KDR: variants seen among roughly 807,000 people sequenced by gnomAD.
KDR encodes kinase insert domain receptor.
Under a neutral mutation model 160.9 loss-of-function variants are expected in KDR, and 43 were observed. The ratio of observed to expected loss-of-function variants is 0.27; its 90% CI spans 0.21 to 0.34. The LOEUF (loss-of-function observed/expected upper bound fraction) is 0.34, where lower values mean the gene tolerates loss of function less well. Among genes scored for constraint, KDR ranks in the 10% least tolerant of loss-of-function variants. KDR has a pLI of 1.00. For missense variants in KDR, 1,469 were observed against 1,666.4 expected (o/e 0.88, Z 2.06); for synonymous variants, 617 against 600.1 (o/e 1.03, Z -0.41).
chr4:55,101,004 A>G (rs561443876), intron 15 of KDR, among the ~76,000 whole-genome samples: 2 of 152,318 alleles, frequency 1.3e-5, no homozygotes, highest in East Asian at 3.9e-4. Flanking sequence ...ACTTCTGCAT[A>G]CACACGTATT....
intron 20 of KDR, 21 bp from the exon 21 acceptor site, chr4:55,094,976 A>G: frequency 6.2e-7 from 1 of 1,612,422 alleles, no homozygotes; most frequent in African/African-American, 1.3e-5. Flanking sequence ...GCAAAGGAAC[A>G]AACAAACTCC....
At chr4:55,101,781 G>A (rs1453694641) in intron 15 of KDR, 116 bp downstream of exon 15, 10 of 877,320 alleles carry the variant, frequency 1.1e-5, no homozygotes, top group Non-Finnish European at 1.7e-5. Context: ...AGTTTGCTGA[G>A]GATAATGGCT....
At chr4:55,122,768 AAGACTTT>A (rs1249695131) in intron 1 of KDR, 1 of 152,174 alleles carries the variant, frequency 6.6e-6, no homozygotes, top group Non-Finnish European at 1.5e-5. Context: ...TTTTGTTCTT[AAGACTTT>A]AGACTCTGTC....
At chr4:55,119,181 C>T (rs537639522) in intron 2 of KDR, among the ~76,000 whole-genome samples, 74 of 151,456 alleles carry the variant, frequency 4.9e-4, no homozygotes, top group Non-Finnish European at 9.6e-4. Flanking sequence ...TGCACTTCAG[C>T]CTGGGCAAGA....
intron 15 of KDR, among the ~76,000 whole-genome samples, chr4:55,099,572 G>A (rs1452091813): frequency 6.6e-6 from 1 of 152,168 alleles, no homozygotes; most frequent in Non-Finnish European, 1.5e-5. Context: ...TCTGTGCAGA[G>A]TTTGCAAAAG....
chr4:55,098,718 G>T lies in KDR; in HGVS notation c.2352C>A (p.Ile784=), dbSNP rs1418831260. 1 of 1,612,650 alleles carries T rather than the reference G, an allele frequency of 6.2e-7. No individual in the cohort carries two copies. The highest frequency in any genetic ancestry group is 2.2e-5 in the East Asian group (1 of 44,856). Residue 784 remains isoleucine, a synonymous_variant, in exon 16 of 30, where the codon ATC becomes ATA. Coordinates refer to ENST00000263923, the MANE Select transcript of KDR (RefSeq NM_002253.4). ...IAMFFWLLLV[I]ILRTVKRANG... ...TTACCCGCTTAACGGTCCGTAGGAT[G>T]ATGACAAGAAGTAGCCAGAAGAACA...
chr4:55,124,903 T>G (rs1261027789), intron 1 of KDR, among the ~76,000 whole-genome samples: 1 of 152,156 alleles, frequency 6.6e-6, no homozygotes, highest in Admixed American at 6.5e-5. Flanking sequence ...ACCTCCTGCC[T>G]GCCAACCCCA....
rs551579207 is a variant in KDR, at chr4:55,110,705, C to A, written c.1040G>T (p.Arg347Leu). 2 of 1,613,456 alleles carry A rather than the reference C, an allele frequency of 1.2e-6. No individual in the cohort carries two copies. The highest frequency in any genetic ancestry group is 1.1e-5 in the South Asian group (1 of 91,038). ...ESLVEATVGE[R>L]VRIPAKYLGY... ...AAGGTACTTCGCAGGGATTCTGACA[C>A]GCTCCCCCACCGTGGCTTCCACCAG... The change falls in exon 8 of 30, where the codon CGT becomes CTT. Residue 347 changes from arginine to leucine, a missense_variant. This residue lies in a region of KDR where 792 missense variants were observed against 840.9 expected (regional missense o/e 0.94). Transcript: ENST00000263923.
chr4:55,094,762 C>T, intron 21 of KDR, 40 bp downstream of exon 21: 3 of 1,582,970 alleles, frequency 1.9e-6, no homozygotes, highest in Non-Finnish European at 2.6e-6. Flanking sequence ...TCTGCTCTGA[C>T]AAGAGCATGC....
rs1262688516 is a variant in KDR at position 55,079,647 on chromosome 4, C to T, written c.*294G>A. 1.5e-5 allele frequency: 7 copies of T among 469,836 alleles called. No individual in the cohort carries two copies. The highest frequency in any genetic ancestry group is 1.4e-4 in the African/African-American group (7 of 51,448). The allele number at this position is 469,836 out of a possible 1,614,324, so 29.1% of individuals were successfully genotyped here. A position where few individuals can be genotyped will look rare whatever the true frequency, so the allele number is the denominator to read the frequency against. On this transcript the variant is annotated 3_prime_UTR_variant, in exon 30 of 30. Coordinates refer to ENST00000263923, the MANE Select transcript of KDR (RefSeq NM_002253.4). ...GAGGATGGGGCCATTTCTTGAACGT[C>T]TTTGTTCTAAACCCATGGTGAGACC...
chr4:55,079,908 A>G lies in KDR; in HGVS notation c.*33T>C. 1 of 1,547,086 alleles carries G rather than the reference A, an allele frequency of 6.5e-7. No individual in the cohort carries two copies. Among genetic ancestry groups the G allele is most frequent in the Non-Finnish European group, 8.9e-7 (1 of 1,119,320 alleles). ...AAATCTGAGCAGCACCTCTCATGTG[A>G]TGTCCAGGAGTTGGGGGTGTGGATG... On this transcript the variant is annotated 3_prime_UTR_variant, in exon 30 of 30. Transcript: ENST00000263923.
chr4:55,115,216 A>G, intron 4 of KDR, 65 bp downstream of exon 4: 1 of 1,393,612 alleles, frequency 7.2e-7, no homozygotes, highest in Non-Finnish European at 1.0e-6. Flanking sequence ...TAAACAGGTT[A>G]CCCATCTTAA....
intron 9 of KDR, among the ~76,000 whole-genome samples, chr4:55,109,411 T>A (rs1325131840): frequency 6.6e-6 from 1 of 151,416 alleles, no homozygotes; most frequent in Non-Finnish European, 1.5e-5. Flanking sequence ...TGAAAAAAAA[T>A]AATAAAGCCA....
At chr4:55,124,199 T>A (rs1720970014) in intron 1 of KDR, among the ~76,000 whole-genome samples, 1 of 152,200 alleles carries the variant, frequency 6.6e-6, no homozygotes, top group African/African-American at 2.4e-5. Flanking sequence ...TAAGAAATTT[T>A]TTTCCCTGAA....
Position 55,089,996 on chromosome 4 carries a change from C to T in KDR, c.3152G>A (p.Arg1051Gln), listed in dbSNP as rs1190064889. The T allele has an allele frequency of 4.3e-6, 7 of 1,613,960 alleles. No homozygotes were observed. The highest frequency in any genetic ancestry group is 4.5e-5 in the East Asian group (2 of 44,886). ...VVKICDFGLA[R>Q]DIYKDPDYVR... ...ATAATCTGGATCTTTATAAATATCC[C>T]GGGCCAAGCCAAAGTCACAGATTTT... Residue 1051 changes from arginine (R) to glutamine (Q), a missense_variant, in exon 23 of 30, where the codon CGG becomes CAG. Around this residue, in one of 7 missense-constraint regions of KDR, gnomAD observed 132 missense variants for 195.9 expected, o/e 0.67. Transcript: ENST00000263923.
intron 23 of KDR, 25 bp downstream of exon 23, chr4:55,089,931 C>T (rs754335341): frequency 1.9e-6 from 3 of 1,613,414 alleles, no homozygotes; most frequent in South Asian, 2.2e-5. Context: ...CTTAACCAAG[C>T]ACTGGGTTCA....
In KDR at chr4:55,102,023, C is replaced by T; in HGVS notation, c.2140G>A (p.Val714Ile). 1 of 1,613,646 alleles carries T rather than the reference C, an allele frequency of 6.2e-7. No individual in the cohort carries two copies. Among genetic ancestry groups the T allele is most frequent in the Non-Finnish European group, 8.5e-7 (1 of 1,179,664 alleles). ...AGGTTCCGGTTCCCATCCTTCAATA[C>T]AATGCCTAACAGAGGAAGAAAACGA... The part of the protein sequence containing the change: ...NETLVEDSGI[V>I]LKDGNRNLTI... The change falls in exon 15 of 30, where the codon GTA becomes ATA. Residue 714 changes from valine to isoleucine, a missense_variant. By Grantham distance (29) the Val-to-Ile change is conservative. Transcript: ENST00000263923.
At chr4:55,121,520 C>T (rs1720873512) in intron 1 of KDR, among the ~76,000 whole-genome samples, 1 of 152,224 alleles carries the variant, frequency 6.6e-6, no homozygotes, top group Non-Finnish European at 1.5e-5. Context: ...GATGATCTCA[C>T]TCCCTTGGGA....
chr4:55,087,548 C>T (rs1719892954), intron 27 of KDR, 59 bp downstream of exon 27: 3 of 1,507,448 alleles, frequency 2.0e-6, no homozygotes, highest in Non-Finnish European at 1.8e-6. Flanking sequence ...TTCCAATCCC[C>T]CTCCCGAGAT....
Sources: allele counts gnomAD v4.1 joint callset (sites outside exome capture counted in the v4.1 genomes callset), GRCh38; gene constraint gnomAD v4.1.1; regional missense constraint gnomAD v4.1.1; transcripts MANE v1.5; gene names NCBI Gene and HGNC (gene_info 2026-07-23, HGNC 2026-07-21).